The following TMC2 variants were observed in gnomAD, a reference collection of about 807,000 sequenced individuals.
TMC2 encodes transmembrane channel like 2.
Under a neutral mutation model 105.9 loss-of-function variants are expected in TMC2, and 102 were observed. The ratio of observed to expected loss-of-function variants is 0.96; its 90% confidence interval spans 0.82 to 1.14. The LOEUF is 1.14. Among genes scored for constraint, TMC2 ranks in the 50% most tolerant of loss-of-function variants. The probability of loss-of-function intolerance (pLI) is 0.00; values close to 1 mark genes in which losing one functional copy is unlikely to be tolerated. For synonymous variants in TMC2, 402 were observed against 422.8 expected, an observed-to-expected ratio of 0.95 and a Z score of 0.60; for missense variants, 1,093 against 1,134.3, an observed-to-expected ratio of 0.96 and a Z score of 0.52.
intron 11 of TMC2, among the ~76,000 whole-genome samples, chr20:2,608,526 C>T (rs2086411523): frequency 6.6e-6 from 1 of 151,962 alleles, no homozygotes; most frequent in Non-Finnish European, 1.5e-5. Context: ...CGAGGTTTTG[C>T]CATGTTGGCC....
intron 4 of TMC2, among the ~76,000 whole-genome samples, chr20:2,569,850 G>A (rs1007277245): frequency 2.0e-5 from 3 of 152,122 alleles, no homozygotes; most frequent in Non-Finnish European, 4.4e-5. Context: ...TCCTTCTTAT[G>A]CTTTTTGTGT....
chr20:2,636,144 A>T, intron 18 of TMC2, 140 bp downstream of exon 18: 1 of 680,292 alleles, frequency 1.5e-6, no homozygotes. Context: ...TATTATGGGA[A>T]GTAGCCTTGT....
intron 2 of TMC2, among the ~76,000 whole-genome samples, chr20:2,548,172 A>G (rs1361355823): frequency 6.6e-6 from 1 of 152,224 alleles, no homozygotes; most frequent in African/African-American, 2.4e-5. Context: ...ACACAACACA[A>G]CTTTCGACAA....
At chr20:2,600,936 G>A (rs111423808) in intron 10 of TMC2, among the ~76,000 whole-genome samples, 3,894 of 145,744 alleles carry the variant, frequency 0.027, 178 homozygotes, top group African/African-American at 0.091. Flanking sequence ...GCAGTGAGCC[G>A]AGATCATGCC....
chr20:2,637,678 T>C (rs2086658680), intron 19 of TMC2, 87 bp downstream of exon 19: 1 of 926,114 alleles, frequency 1.1e-6, no homozygotes, highest in Non-Finnish European at 1.7e-6. Context: ...ATCAGACTGT[T>C]CTGGGATTGA....
At chr20:2,618,286 T>C (rs1231116174) in intron 16 of TMC2, 1 of 152,342 alleles carries the variant, frequency 6.6e-6, no homozygotes, top group African/African-American at 2.4e-5. Context: ...GTGCCTGGCT[T>C]ATTTCACTTA....
In TMC2 at chr20:2,579,152, G is replaced by T; in HGVS notation, c.652G>T (p.Val218Phe). 6.4e-7 allele frequency: 1 copy of T among 1,568,596 alleles called. No individual in the cohort carries two copies. Among genetic ancestry groups the T allele is most frequent in the Non-Finnish European group, 8.8e-7 (1 of 1,139,156 alleles). The change falls in exon 6 of 20, where the codon GTC becomes TTC. Residue 218 changes from valine to phenylalanine, a missense_variant. Coordinates refer to ENST00000358864, the MANE Select transcript of TMC2 (RefSeq NM_080751.3). Reference sequence around the variant, plus strand: ...TTTACGTCTTTTATTTCAGAAATGGGTCAAATTTAAGAGAGACTTTGATAA... The same window carrying T: ...TTTACGTCTTTTATTTCAGAAATGGTTCAAATTTAAGAGAGACTTTGATAA... The part of the protein sequence containing the change: ...AYKMLMAKKW[V>F]KFKRDFDNFK...
chr20:2,637,692 C>A, intron 19 of TMC2, 101 bp downstream of exon 19: 1 of 818,386 alleles, frequency 1.2e-6, no homozygotes, highest in South Asian at 1.7e-5. Context: ...GGATTGAAAT[C>A]AGAATCCTAA....
intron 4 of TMC2, among the ~76,000 whole-genome samples, chr20:2,566,732 C>A (rs2086066954): frequency 6.6e-6 from 1 of 152,288 alleles, no homozygotes; most frequent in African/African-American, 2.4e-5. Flanking sequence ...GGCTAAGAAC[C>A]TCAGGACCAA....
chr20:2,573,044 C>CT (rs112705055), intron 5 of TMC2, among the ~76,000 whole-genome samples: 18,818 of 151,910 alleles, frequency 0.12, 1,428 homozygotes, highest in African/African-American at 0.21. Flanking sequence ...CAGCCTTGAA[C>CT]TCCTGGCCTC....
rs779312603 is a variant in TMC2 at position 2,579,248 on chromosome 20, GTT to G, written c.727+27_727+28del. 6 of 1,477,660 alleles carry G rather than the reference GTT, an allele frequency of 4.1e-6. No homozygotes were observed. In the South Asian group the frequency reaches 6.8e-5, roughly 17 times the overall value. The allele number at this position is 1,477,660 out of a possible 1,614,324, so 91.5% of individuals were successfully genotyped here. A position where few individuals can be genotyped will look rare whatever the true frequency, so the allele number is the denominator to read the frequency against. On this transcript the variant is annotated intron_variant, in intron 6 of 19. Transcript: ENST00000358864. ...TGAAAGTGAGTATGCTGGTGTCACTGTTTTTTTAATTGGTTTCCTAAAGCGTT... is the reference window on the plus strand; with the variant it reads ...TGAAAGTGAGTATGCTGGTGTCACTGTTTTTAATTGGTTTCCTAAAGCGTT...
chr20:2,566,351 A>G (rs982613084), intron 4 of TMC2, among the ~76,000 whole-genome samples: 1 of 152,222 alleles, frequency 6.6e-6, no homozygotes, highest in Admixed American at 6.5e-5. Flanking sequence ...TATGCCTGAC[A>G]CTATGCTGAG....
chr20:2,589,151 C>CAA (rs1396412424), intron 7 of TMC2, among the ~76,000 whole-genome samples: 4 of 152,132 alleles, frequency 2.6e-5, no homozygotes, highest in African/African-American at 9.6e-5. Context: ...TTACTTATTC[C>CAA]TCTGGTGGGA....
chr20:2,617,497 G>T lies in TMC2; in HGVS notation c.2180+186G>T, dbSNP rs2086493454. The T allele has an allele frequency of 9.1e-6, 7 of 768,836 alleles. No individual in the cohort carries two copies. In the South Asian group the frequency reaches 1.3e-4, roughly 15 times the overall value. 47.6% of individuals were successfully genotyped at this position (768,836 alleles called of 1,614,324 possible). Reference sequence around the variant, plus strand: ...GGAAATGTTAGGTCGTTCTGTGTCTGCGCTGTTCATTTCAGTAGCCACCAG... The same window carrying T: ...GGAAATGTTAGGTCGTTCTGTGTCTTCGCTGTTCATTTCAGTAGCCACCAG... On this transcript the variant is annotated intron_variant, in intron 16 of 19. Transcript: ENST00000358864.
intron 9 of TMC2, 53 bp downstream of exon 9, chr20:2,595,020 C>A: frequency 6.3e-7 from 1 of 1,580,794 alleles, no homozygotes; most frequent in Non-Finnish European, 8.6e-7. Context: ...ACAGCTCACT[C>A]CCCTGGCCAC....
chr20:2,624,461 G>A (rs758043714), intron 17 of TMC2, 65 bp downstream of exon 17: 57 of 1,555,528 alleles, frequency 3.7e-5, no homozygotes, highest in Non-Finnish European at 4.5e-5. Context: ...AGACTTCCTT[G>A]GCAGGTCCTT....
chr20:2,641,262 G>A lies in TMC2; in HGVS notation c.2632G>A (p.Gly878Arg). ...ACACCTTCCTATATCTCGGCCCCCT[G>A]GAATCGGACCAGATTCTGGCCACGC... ...SGHLPISRPPGIGPDSGHAPS... is the reference protein window; with the variant it reads ...SGHLPISRPPRIGPDSGHAPS... Residue 878 changes from glycine to arginine, a missense_variant, in exon 20 of 20, where the codon GGA (glycine) becomes AGA (arginine). Gly to Arg is a moderately radical substitution (Grantham distance 125, BLOSUM62 -2). Coordinates refer to ENST00000358864, the MANE Select transcript of TMC2 (RefSeq NM_080751.3). 2.5e-6 allele frequency: 4 copies of A among 1,614,128 alleles called. No individual in the cohort carries two copies. The East Asian group carries it at 8.9e-5, about 36-fold the overall frequency.
intron 4 of TMC2, among the ~76,000 whole-genome samples, chr20:2,567,995 G>A (rs2086076343): frequency 6.6e-6 from 1 of 152,184 alleles, no homozygotes; most frequent in African/African-American, 2.4e-5. Context: ...CTTCAAGGAT[G>A]TGTGGGACTA....
chr20:2,577,730 T>C (rs1297239076), intron 5 of TMC2, among the ~76,000 whole-genome samples: 2 of 151,906 alleles, frequency 1.3e-5, no homozygotes, highest in South Asian at 2.1e-4. Context: ...CTGGGCCGCA[T>C]GGTGAGACCC....
Sources: allele counts gnomAD v4.1 joint callset (sites outside exome capture counted in the v4.1 genomes callset), GRCh38; gene constraint gnomAD v4.1.1; transcripts MANE v1.5; gene names NCBI Gene and HGNC (gene_info 2026-07-23, HGNC 2026-07-21).